Variants in CLEC16A observed in about 807,000 individuals in gnomAD.
CLEC16A encodes the protein C-type lectin domain containing 16A.
In CLEC16A, 51 loss-of-function variants were observed where a neutral mutation model predicts 109.5. The ratio of observed to expected loss-of-function variants is 0.47; its 90% CI spans 0.37 to 0.59. The LOEUF (loss-of-function observed/expected upper bound fraction) is 0.59, where lower values mean the gene tolerates loss of function less well. CLEC16A is among the 20% of genes least tolerant of loss of function. The pLI is 0.00. For missense variants in CLEC16A, 1,339 were observed against 1,394.0 expected, an observed-to-expected ratio of 0.96 and a Z score of 0.63; for synonymous variants, 673 against 564.2, an observed-to-expected ratio of 1.19 and a Z score of -2.73.
intron 19 of CLEC16A, among the ~76,000 whole-genome samples, chr16:11,080,924 G>A (rs555015903): frequency 1.3e-5 from 2 of 152,362 alleles, no homozygotes; most frequent in South Asian, 2.1e-4. Context: ...TTGTAAGGTA[G>A]CATGTTCACA....
chr16:11,161,278 G>C (rs977193816), intron 22 of CLEC16A, among the ~76,000 whole-genome samples: 8 of 152,188 alleles, frequency 5.3e-5, no homozygotes, highest in African/African-American at 1.9e-4. Context: ...CCCAAGGTTG[G>C]ACAGAGCTGC....
At chr16:11,138,954 G>A (rs1258288115) in intron 22 of CLEC16A, among the ~76,000 whole-genome samples, 1 of 149,752 alleles carries the variant, frequency 6.7e-6, no homozygotes, top group Non-Finnish European at 1.5e-5. Flanking sequence ...AAATAGCTAC[G>A]CTGAGAAACT....
At chr16:11,022,337 CTTTTTTTTTT>C (rs36094157) in intron 12 of CLEC16A, among the ~76,000 whole-genome samples, 2 of 93,470 alleles carry the variant, frequency 2.1e-5, no homozygotes, top group African/African-American at 9.9e-5. Flanking sequence ...GTCTGGCTAC[CTTTTTTTTTT>C]TTTTTTTTTT....
intron 11 of CLEC16A, among the ~76,000 whole-genome samples, chr16:11,005,914 T>C (rs1285298437): frequency 2.6e-5 from 4 of 152,194 alleles, no homozygotes; most frequent in Non-Finnish European, 4.4e-5. Context: ...CTGGACCTCA[T>C]TGTTCCTGTC....
chr16:11,086,664 T>G (rs914309799), intron 19 of CLEC16A, among the ~76,000 whole-genome samples: 2 of 152,182 alleles, frequency 1.3e-5, no homozygotes, highest in African/African-American at 4.8e-5. Context: ...TGCCTCAGCC[T>G]CCCAAGTGGC....
intron 11 of CLEC16A, among the ~76,000 whole-genome samples, chr16:11,010,838 G>T (rs961987674): frequency 6.6e-6 from 1 of 152,060 alleles, no homozygotes; most frequent in Admixed American, 6.5e-5. Flanking sequence ...TCTCTTTTGC[G>T]ACATTGACTT....
At chr16:11,173,976 G>T in intron 23 of CLEC16A, among the ~76,000 whole-genome samples, 1 of 152,134 alleles carries the variant, frequency 6.6e-6, no homozygotes, top group East Asian at 1.9e-4. Context: ...TGTCTTCTCT[G>T]CATGGGGGGC....
chr16:11,040,514 C>CTTTCTTTTTTTTTTTTTTTTTT (rs1268318578), intron 14 of CLEC16A: 1 of 101,536 alleles, frequency 9.8e-6, no homozygotes, highest in Non-Finnish European at 1.9e-5. Flanking sequence ...TTTTTCTTTT[C>CTTTCTTTTTTTTTTTTTTTTTT]TTTTTTTTTT....
intron 23 of CLEC16A, among the ~76,000 whole-genome samples, chr16:11,167,946 G>C (rs1022519835): frequency 2.6e-5 from 4 of 152,168 alleles, no homozygotes; most frequent in Non-Finnish European, 5.9e-5. Flanking sequence ...CGGGCATGCA[G>C]GGTTGTGTGT....
intron 13 of CLEC16A, among the ~76,000 whole-genome samples, chr16:11,034,004 C>G (rs2046888562): frequency 1.3e-5 from 2 of 152,216 alleles, no homozygotes; most frequent in African/African-American, 4.8e-5. Flanking sequence ...CCTTCTACTC[C>G]TGCCACTCCA....
At chr16:11,114,897 C>G (rs1312046275) in intron 19 of CLEC16A, among the ~76,000 whole-genome samples, 4 of 152,254 alleles carry the variant, frequency 2.6e-5, no homozygotes, top group Non-Finnish European at 2.9e-5. Flanking sequence ...CGAGAGCTCC[C>G]TCCCTGGGAT....
intron 8 of CLEC16A, among the ~76,000 whole-genome samples, chr16:10,978,192 CA>C (rs1400098964): frequency 2.0e-5 from 3 of 152,210 alleles, no homozygotes; most frequent in Non-Finnish European, 4.4e-5. Context: ...CGGCTGGTAA[CA>C]TGCAGGGCCT....
intron 10 of CLEC16A, among the ~76,000 whole-genome samples, chr16:10,997,050 C>G (rs1225517495): frequency 6.6e-6 from 1 of 152,230 alleles, no homozygotes; most frequent in Non-Finnish European, 1.5e-5. Context: ...CAGCCTCAAC[C>G]TTCTGGGCTC....
intron 1 of CLEC16A, among the ~76,000 whole-genome samples, chr16:10,949,708 A>G (rs1401053627): frequency 2.0e-5 from 3 of 152,180 alleles, no homozygotes; most frequent in Admixed American, 6.5e-5. Context: ...AACTACAGAA[A>G]GGCTGTGGTC....
intron 22 of CLEC16A, among the ~76,000 whole-genome samples, chr16:11,146,040 G>A (rs1422846978): frequency 1.3e-5 from 2 of 152,176 alleles, no homozygotes; most frequent in Admixed American, 6.5e-5. Flanking sequence ...CTCCTATTTG[G>A]AGGGCCCTGA....
chr16:11,105,552 A>C (rs1029396973), intron 19 of CLEC16A, among the ~76,000 whole-genome samples: 7 of 152,386 alleles, frequency 4.6e-5, no homozygotes, highest in African/African-American at 1.7e-4. Context: ...TGTGAAAACC[A>C]GTCACCTCAT....
intron 1 of CLEC16A, among the ~76,000 whole-genome samples, chr16:10,957,492 C>G (rs887764275): frequency 6.6e-6 from 1 of 152,240 alleles, no homozygotes; most frequent in African/African-American, 2.4e-5. Context: ...CCACTTGATT[C>G]AGTTCTCCGG....
chr16:11,033,090 G>A (rs2046835958), intron 13 of CLEC16A, among the ~76,000 whole-genome samples: 1 of 152,102 alleles, frequency 6.6e-6, no homozygotes, highest in Non-Finnish European at 1.5e-5. Flanking sequence ...GCTGGCTGGG[G>A]AGTAGAGGAA....
chr16:11,029,790 A>G (rs908493361), intron 13 of CLEC16A, among the ~76,000 whole-genome samples: 6 of 152,216 alleles, frequency 3.9e-5, no homozygotes, highest in Non-Finnish European at 7.3e-5. Flanking sequence ...GCACAATTTA[A>G]TATTTTGACA....
Sources: gnomAD v4.1 joint callset for allele counts (sites outside exome capture counted in the v4.1 genomes callset) on GRCh38, gnomAD v4.1.1 for gene constraint, MANE v1.5 for transcripts, NCBI Gene and HGNC (gene_info 2026-07-23, HGNC 2026-07-21) for gene names.